The following NOP53 variants were observed in gnomAD, a reference collection of about 807,000 sequenced individuals.
The protein encoded by NOP53 is NOP53 ribosome biogenesis factor, also known as ribosome biogenesis protein NOP53.
Under a neutral mutation model 61.0 loss-of-function variants are expected in NOP53, and 40 were observed. The ratio of observed to expected loss-of-function variants is 0.66; its 90% CI spans 0.51 to 0.85. The LOEUF (loss-of-function observed/expected upper bound fraction) is 0.85, where lower values mean the gene tolerates loss of function less well. Ranked by LOEUF, NOP53 falls within the 40% of genes least tolerant of loss-of-function variation. The probability of loss-of-function intolerance (pLI) is 0.00; values close to 1 mark genes in which losing one functional copy is unlikely to be tolerated. For missense variants in NOP53, 689 were observed against 652.9 expected (o/e 1.06, Z -0.60); for synonymous variants, 308 against 289.5 (o/e 1.06, Z -0.65).
Position 47,755,394 on chromosome 19 carries a change from A to C in NOP53, c.1100A>C (p.Glu367Ala). 1.3e-6 allele frequency: 2 copies of C among 1,531,128 alleles called. No homozygotes were observed. The highest frequency in any genetic ancestry group is 2.8e-5 in the African/African-American group (2 of 70,242). 94.8% of individuals were successfully genotyped at this position (1,531,128 alleles called of 1,614,324 possible). ...CGGGCCGCCCGGCTCCGGCACCAGG[A>C]GCTGTTCCGGCTGCGCGGGATCAAG... ...ALRAARLRHQ[E>A]LFRLRGIKAQ... The change falls in exon 9 of 13, where the codon GAG (glutamate) becomes GCG (alanine). Residue 367 changes from glutamate (E) to alanine (A), a missense_variant. By Grantham distance (107) the Glu-to-Ala change is moderately radical. Coordinates refer to ENST00000246802, the MANE Select transcript of NOP53 (RefSeq NM_015710.5).
chr19:47,756,450 C>A, intron 10 of NOP53, 78 bp from the exon 11 acceptor site: 1 of 1,208,884 alleles, frequency 8.3e-7, no homozygotes, highest in East Asian at 2.4e-5. Context: ...GGGCTGAGCC[C>A]TGCCAGGACC....
At chr19:47,750,866 G>T in intron 3 of NOP53, 42 bp from the exon 4 acceptor site, 1 of 1,521,914 alleles carries the variant, frequency 6.6e-7, no homozygotes, top group East Asian at 2.4e-5. Context: ...CGTTCAGGCT[G>T]CCACCTCACC....
At chr19:47,749,330 G>A (rs532846087) in intron 2 of NOP53, among the ~76,000 whole-genome samples, 6 of 152,190 alleles carry the variant, frequency 3.9e-5, no homozygotes, top group Non-Finnish European at 5.9e-5. Flanking sequence ...GGGCAGGAAA[G>A]AGGCAGTTTA....
chr19:47,748,277 A>G (rs1005132153), intron 2 of NOP53, among the ~76,000 whole-genome samples: 9 of 151,992 alleles, frequency 5.9e-5, no homozygotes, highest in Non-Finnish European at 1.2e-4. Flanking sequence ...CGGGTAACAC[A>G]CGTCTTAACT....
chr19:47,746,985 C>T lies in NOP53; in HGVS notation c.243C>T (p.Ala81=). 6.2e-7 allele frequency: 1 copy of T among 1,613,702 alleles called. No homozygotes were observed. The highest frequency in any genetic ancestry group is 8.5e-7 in the Non-Finnish European group (1 of 1,179,742). ...CCCCCAGTGGCTTGTTGTCAGAGGC[C>T]CCAAATGAAAAACTCTTCTTCGTGG... The part of the protein sequence containing the change: ...ERTSGGLLSE[A]PNEKLFFVDT... Residue 81 remains alanine, a synonymous_variant, in exon 2 of 13, where the codon GCC becomes GCT. Coordinates refer to ENST00000246802, the MANE Select transcript of NOP53 (RefSeq NM_015710.5).
rs1568600127 is a variant in NOP53, at chr19:47,754,640, CG to C, written c.870+10del. On this transcript the variant is annotated intron_variant, in intron 7 of 12. Coordinates refer to ENST00000246802, the MANE Select transcript of NOP53 (RefSeq NM_015710.5). The surrounding 1 kb of genome is among the most constrained non-coding windows in gnomAD (Gnocchi z 4.2). ...AGCAGGCCGCCACCCAGGTGAGCCCCGCACCTGCCCACTCCCTCCCCTCCCC... is the reference window on the plus strand; with the variant it reads ...AGCAGGCCGCCACCCAGGTGAGCCCCCACCTGCCCACTCCCTCCCCTCCCC... 6.5e-7 allele frequency: 1 copy of C among 1,546,982 alleles called. No individual in the cohort carries two copies. Among genetic ancestry groups the C allele is most frequent in the Admixed American group, 2.0e-5 (1 of 50,936 alleles).
At chr19:47,746,883 C>T (rs1022731639) in intron 1 of NOP53, 84 bp from the exon 2 acceptor site, 17 of 1,114,512 alleles carry the variant, frequency 1.5e-5, no homozygotes, top group East Asian at 7.1e-5. Context: ...CTTGACTAAG[C>T]GGAAGATGAA....
In NOP53 at chr19:47,751,047, G is replaced by C; in HGVS notation, c.538G>C (p.Ala180Pro). The change falls in exon 4 of 13, where the codon GCC becomes CCC. Residue 180 changes from alanine to proline, a missense_variant. Ala to Pro is a conservative substitution (Grantham distance 27). Coordinates refer to ENST00000246802, the MANE Select transcript of NOP53 (RefSeq NM_015710.5). ...ARLLNPSATRAKPGPQDTVER... is the reference protein window; with the variant it reads ...ARLLNPSATRPKPGPQDTVER... ...GCTCCTCAACCCTTCTGCAACAAGG[G>C]CCAAGCCCGGGCCCCAGGACACCGT... The C allele has an allele frequency of 6.2e-7, 1 of 1,607,686 alleles. No homozygotes were observed. Among genetic ancestry groups the C allele is most frequent in the Non-Finnish European group, 8.5e-7 (1 of 1,177,918 alleles).
rs947096532 is a variant in NOP53, at chr19:47,754,920, T to C, written c.1053+29T>C. Reference sequence around the variant, plus strand: ...AGCGCCTGGGCCAGCGGGGCCTGCCTCTGATGCCTCGCCCCCTTCCTTCCT... The same window carrying C: ...AGCGCCTGGGCCAGCGGGGCCTGCCCCTGATGCCTCGCCCCCTTCCTTCCT... On this transcript the variant is annotated intron_variant, in intron 8 of 12. Transcript: ENST00000246802. The surrounding 1 kb of genome is among the most constrained non-coding windows in gnomAD (Gnocchi z 4.2). 16 of 1,478,084 alleles carry C rather than the reference T, an allele frequency of 1.1e-5. No homozygotes were observed. The South Asian group carries it at 1.2e-4, about 11-fold the overall frequency. 91.6% of individuals were successfully genotyped at this position (1,478,084 alleles called of 1,614,324 possible).
At chr19:47,746,843 G>A in intron 1 of NOP53, 124 bp from the exon 2 acceptor site, 1 of 762,176 alleles carries the variant, frequency 1.3e-6, no homozygotes, top group Non-Finnish European at 2.2e-6. Flanking sequence ...GCTGGGCGAA[G>A]CCTTAGCCTG....
In NOP53 at chr19:47,750,758, A is replaced by G. The variant is rs529580258; in HGVS notation, c.399-150A>G. 1,478 of 680,872 alleles carry G rather than the reference A, an allele frequency of 2.2e-3. 21 individuals are homozygous for G. The highest frequency in any genetic ancestry group is 0.016 in the South Asian group (1,025 of 62,224). The allele number at this position is 680,872 out of a possible 1,614,324, so 42.2% of individuals were successfully genotyped here. On this transcript the variant is annotated intron_variant, in intron 3 of 12. Coordinates refer to ENST00000246802, the MANE Select transcript of NOP53 (RefSeq NM_015710.5). ...GGCTGGAGACAGACGTGGGGAGAGG[A>G]GTTCTCTGAAGAGGGGGCGGAGTGC...
intron 2 of NOP53, among the ~76,000 whole-genome samples, chr19:47,747,619 G>A (rs1967079876): frequency 6.6e-6 from 1 of 150,486 alleles, no homozygotes; most frequent in East Asian, 2.0e-4. Context: ...TCCAGCCTGG[G>A]ATTACTATTA....
chr19:47,756,440 G>A (rs900381753), intron 10 of NOP53, 88 bp from the exon 11 acceptor site: 1 of 1,055,842 alleles, frequency 9.5e-7, no homozygotes, highest in South Asian at 1.4e-5. Flanking sequence ...AGACTGCATG[G>A]GGCTGAGCCC....
intron 10 of NOP53, 144 bp downstream of exon 10, chr19:47,755,966 G>A: frequency 1.6e-6 from 1 of 634,988 alleles, no homozygotes; most frequent in South Asian, 1.9e-5. Flanking sequence ...GAGGGCACGG[G>A]ATGCTGGGAT....
intron 1 of NOP53, 48 bp from the exon 2 acceptor site, chr19:47,746,918 CT>C: frequency 6.6e-7 from 1 of 1,512,096 alleles, no homozygotes; most frequent in Non-Finnish European, 9.2e-7. Flanking sequence ...GGTTAAATCT[CT>C]TTCCTCTCCA....
chr19:47,746,281 T>G (rs923896846), intron 1 of NOP53: 4 of 153,000 alleles, frequency 2.6e-5, no homozygotes, highest in African/African-American at 9.6e-5. Flanking sequence ...CCTCCCAGGC[T>G]CAAGCGATTC....
intron 12 of NOP53, 58 bp from the exon 13 acceptor site, chr19:47,756,923 AGGCAGGGGGTGTCAGGTC>A: frequency 6.3e-7 from 1 of 1,592,240 alleles, no homozygotes; most frequent in Non-Finnish European, 8.6e-7. Flanking sequence ...GGAAACTGAA[AGGCAGGGGGTGTCAGGTC>A]GGCAGGGGGT....
Position 47,754,984 on chromosome 19 carries a change from C to T in NOP53, c.1053+93C>T. On this transcript the variant is annotated intron_variant, in intron 8 of 12. Coordinates refer to ENST00000246802, the MANE Select transcript of NOP53 (RefSeq NM_015710.5). The surrounding 1 kb of genome is among the most constrained non-coding windows in gnomAD (Gnocchi z 4.2). Reference sequence around the variant, plus strand: ...GGCTGCCCTGGGTGCTGCGGGCAGCCTGCACACCCCAAGCCCCGCATGTGG... The same window carrying T: ...GGCTGCCCTGGGTGCTGCGGGCAGCTTGCACACCCCAAGCCCCGCATGTGG... 1 of 1,192,556 alleles carries T rather than the reference C, an allele frequency of 8.4e-7. No homozygotes were observed. Among genetic ancestry groups the T allele is most frequent in the Non-Finnish European group, 1.1e-6 (1 of 881,982 alleles). The allele number at this position is 1,192,556 out of a possible 1,614,324, so 73.9% of individuals were successfully genotyped here.
At position 47,754,838 on chromosome 19, in the gene NOP53, A is replaced by G. The variant is rs760472906; in HGVS notation, c.1000A>G (p.Thr334Ala). Residue 334 changes from threonine to alanine, a missense_variant, in exon 8 of 13, where the codon ACA becomes GCA. Transcript: ENST00000246802. This position sits in a 1 kb window ranked among gnomAD's most constrained non-coding sequence, Gnocchi z 4.2. ...TCCCACGCCCGCCCGCCTGGCCACC[A>G]CAGAGAAGAAGACGGAGCAGCAGCG... ...VCPTPARLAT[T>A]EKKTEQQRRR... is the part of the protein sequence containing the mutation. The G allele has an allele frequency of 6.5e-7, 1 of 1,542,708 alleles. No homozygotes were observed. The highest frequency in any genetic ancestry group is 1.2e-5 in the South Asian group (1 of 82,662).
Sources: gnomAD v4.1 joint callset for allele counts (sites outside exome capture counted in the v4.1 genomes callset) on GRCh38, gnomAD v4.1.1 for gene constraint, Gnocchi (gnomAD v3.1) non-coding constraint, MANE v1.5 for transcripts, NCBI Gene and HGNC (gene_info 2026-07-23, HGNC 2026-07-21) for gene names.